Variants in CTNNA2 observed in about 807,000 individuals in gnomAD.
CTNNA2 encodes the protein catenin alpha 2.
CTNNA2 carries 42 observed loss-of-function variants against 101.0 expected under a neutral mutation model. That is an observed-to-expected ratio of 0.42 (90% CI 0.32 to 0.54). CTNNA2 has a LOEUF of 0.54. Ranked by LOEUF, CTNNA2 falls within the 20% of genes least tolerant of loss-of-function variation. CTNNA2 has a pLI of 0.14. For synonymous variants in CTNNA2, 450 were observed against 456.4 expected (o/e 0.99, Z 0.18); for missense variants, 871 against 1,223.1 (o/e 0.71, Z 4.29).
chr2:80,557,016 A>G (rs1478317628), intron 12 of CTNNA2, among the ~76,000 whole-genome samples: 1 of 152,218 alleles, frequency 6.6e-6, no homozygotes, highest in Non-Finnish European at 1.5e-5. Flanking sequence ...ATTATTTACA[A>G]AGAGTTCTGT....
At chr2:80,394,368 T>G (rs912207251) in intron 8 of CTNNA2, among the ~76,000 whole-genome samples, 1 of 152,222 alleles carries the variant, frequency 6.6e-6, no homozygotes, top group Non-Finnish European at 1.5e-5. Context: ...GTAGACACAC[T>G]TGATCTGGTG....
intron 9 of CTNNA2, among the ~76,000 whole-genome samples, chr2:80,451,465 A>G (rs936343289): frequency 1.3e-5 from 2 of 152,150 alleles, no homozygotes; most frequent in Non-Finnish European, 2.9e-5. Context: ...AAACCTTTAT[A>G]AATTACCTAA....
chr2:80,140,495 C>A (rs1351682814), intron 7 of CTNNA2, among the ~76,000 whole-genome samples: 1 of 152,096 alleles, frequency 6.6e-6, no homozygotes, highest in Admixed American at 6.6e-5. Flanking sequence ...TCTGTCCTAT[C>A]CCTTCCCACC....
chr2:80,635,643 A>T (rs913367671), intron 18 of CTNNA2, among the ~76,000 whole-genome samples: 2 of 152,316 alleles, frequency 1.3e-5, no homozygotes, highest in Non-Finnish European at 2.9e-5. Context: ...TGGAGCAATG[A>T]TTGCACAGGT....
At chr2:79,827,582 C>A (rs1204608459) in intron 3 of CTNNA2, among the ~76,000 whole-genome samples, 1 of 152,110 alleles carries the variant, frequency 6.6e-6, no homozygotes, top group East Asian at 1.9e-4. Context: ...TCATCATCTA[C>A]CTGAAGAGAC....
At chr2:79,990,793 A>C (rs771520344) in intron 7 of CTNNA2, among the ~76,000 whole-genome samples, 8 of 152,176 alleles carry the variant, frequency 5.3e-5, no homozygotes, top group Non-Finnish European at 1.0e-4. Context: ...CTGGCCTCAT[A>C]AAATGAGTTA....
intron 2 of CTNNA2, among the ~76,000 whole-genome samples, chr2:79,238,512 G>T (rs1301310400): frequency 6.6e-6 from 1 of 152,174 alleles, no homozygotes; most frequent in East Asian, 1.9e-4. Context: ...CAATAGACTT[G>T]CTTGATTCAG....
rs1006962095 is a variant in CTNNA2, at chr2:79,198,333, T to A, written c.-406+257T>A. Among the ~76,000 whole-genome samples the A allele has an allele frequency of 1.1e-4, 17 of 152,312 alleles. 1 individual carries two copies. Among genetic ancestry groups the A allele is most frequent in the African/African-American group, 4.1e-4 (17 of 41,574 alleles). On this transcript the variant is annotated intron_variant, in intron 2 of 21. Coordinates refer to the CTNNA2 transcript ENST00000466387. ...AATATTTGGTGAAAATAAGCATGGA[T>A]TGGTTTTATAATAAAAAGAAAATTA...
At chr2:80,344,228 TC>T (rs2149284284) in intron 7 of CTNNA2, among the ~76,000 whole-genome samples, 1 of 152,314 alleles carries the variant, frequency 6.6e-6, no homozygotes, top group East Asian at 1.9e-4. Context: ...TTCTTTTTTT[TC>T]ATTCCATATT....
chr2:79,979,627 A>G (rs1237909431), intron 7 of CTNNA2, among the ~76,000 whole-genome samples: 2 of 152,160 alleles, frequency 1.3e-5, no homozygotes, highest in South Asian at 2.1e-4. Flanking sequence ...ATTTATACCT[A>G]GCTAATTACA....
Position 79,584,379 on chromosome 2 carries a change from T to A in CTNNA2, c.-5-67173T>A, listed in dbSNP as rs1473250358. Among the ~76,000 whole-genome samples, 3 of 152,286 alleles carry A rather than the reference T, an allele frequency of 2.0e-5. No individual in the cohort carries two copies. In the East Asian group the frequency reaches 5.8e-4, roughly 29 times the overall value. ...GTTGTGGTGATTTTTTTTCTTGTTG[T>A]CTTTTTCTTTTAGTGTCATTATGAA... On this transcript the variant is annotated intron_variant, in intron 1 of 18. Coordinates refer to ENST00000402739, the MANE Select transcript of CTNNA2 (RefSeq NM_001282597.3).
intron 2 of CTNNA2, among the ~76,000 whole-genome samples, chr2:79,233,479 C>A (rs1558581591): frequency 6.6e-6 from 1 of 152,142 alleles, no homozygotes; most frequent in Non-Finnish European, 1.5e-5. Context: ...GAGCATATGG[C>A]AGGTCTTAGA....
chr2:80,032,944 A>T (rs1457778678), intron 7 of CTNNA2, among the ~76,000 whole-genome samples: 2 of 151,968 alleles, frequency 1.3e-5, no homozygotes, highest in Non-Finnish European at 2.9e-5. Flanking sequence ...CGAGGTCAAG[A>T]GGTCGAGACC....
At chr2:80,582,205 AGAGGCAAT>A (rs542106862) in intron 14 of CTNNA2, among the ~76,000 whole-genome samples, 169 of 152,292 alleles carry the variant, frequency 1.1e-3, no homozygotes, top group African/African-American at 3.8e-3. Flanking sequence ...TGTCAACACA[AGAGGCAAT>A]GACAAATGAG....
chr2:80,410,977 A>G (rs1679513651), intron 8 of CTNNA2, among the ~76,000 whole-genome samples: 1 of 152,234 alleles, frequency 6.6e-6, no homozygotes, highest in Admixed American at 6.5e-5. Context: ...CTGCATTTGC[A>G]GCTTTCAAAG....
chr2:79,737,625 A>G (rs1016854819), intron 2 of CTNNA2, among the ~76,000 whole-genome samples: 11 of 152,174 alleles, frequency 7.2e-5, no homozygotes, highest in African/African-American at 2.2e-4. Context: ...TTTAATGTGC[A>G]TATGAATCAA....
chr2:79,316,580 C>T (rs1676503211), intron 3 of CTNNA2, among the ~76,000 whole-genome samples: 1 of 151,886 alleles, frequency 6.6e-6, no homozygotes, highest in Non-Finnish European at 1.5e-5. Context: ...TTTAAATCTT[C>T]TTTAGTATTT....
intron 3 of CTNNA2, among the ~76,000 whole-genome samples, chr2:79,818,685 G>T (rs1231157848): frequency 1.3e-5 from 2 of 151,552 alleles, no homozygotes; most frequent in East Asian, 1.9e-4. Context: ...CTGAAATCTT[G>T]AATTTTAGAT....
At chr2:79,945,159 C>T (rs1688411048) in intron 7 of CTNNA2, among the ~76,000 whole-genome samples, 1 of 152,130 alleles carries the variant, frequency 6.6e-6, no homozygotes, top group South Asian at 2.1e-4. Flanking sequence ...CCTTCCACTT[C>T]AGTCTCCCAA....
Sources: gnomAD v4.1 joint callset for allele counts (sites outside exome capture counted in the v4.1 genomes callset) on GRCh38, gnomAD v4.1.1 for gene constraint, MANE v1.5 for transcripts, NCBI Gene and HGNC (gene_info 2026-07-23, HGNC 2026-07-21) for gene names.